The following STX1B variants were observed in gnomAD, a reference collection of about 807,000 sequenced individuals.
STX1B encodes the protein syntaxin 1B.
STX1B carries 7 observed loss-of-function variants against 39.4 expected under a neutral mutation model. The ratio of observed to expected loss-of-function variants is 0.18; its 90% CI spans 0.10 to 0.33. The LOEUF (loss-of-function observed/expected upper bound fraction) is 0.33, where lower values mean the gene tolerates loss of function less well. Among genes scored for constraint, STX1B ranks in the 10% least tolerant of loss-of-function variants. The pLI is 1.00. For missense variants in STX1B, 198 were observed against 383.2 expected (o/e 0.52, Z 4.04); for synonymous variants, 136 against 144.1 (o/e 0.94, Z 0.40).
chr16:30,990,529 GCACA>G lies in STX1B; in HGVS notation c.*2288_*2291del, dbSNP rs1464620917. ...CTGTTTGGCCACATGCACACACAATGCACACACAATGTACACACACATACAATGC... is the reference window on the plus strand; with the variant it reads ...CTGTTTGGCCACATGCACACACAATGCACAATGTACACACACATACAATGC... On this transcript the variant is annotated 3_prime_UTR_variant, in exon 10 of 10. Transcript: ENST00000215095. 1 of 152,358 alleles carries G rather than the reference GCACA, an allele frequency of 6.6e-6. No individual in the cohort carries two copies. The highest frequency in any genetic ancestry group is 1.9e-4 in the East Asian group (1 of 5,196). The allele number at this position is 152,358 out of a possible 1,614,324, so 9.4% of individuals were successfully genotyped here. A position where few individuals can be genotyped will look rare whatever the true frequency, so the allele number is the denominator to read the frequency against.
At chr16:31,000,142 C>T (rs961011449) in intron 4 of STX1B, among the ~76,000 whole-genome samples, 4 of 150,756 alleles carry the variant, frequency 2.7e-5, no homozygotes, top group Non-Finnish European at 5.9e-5. Flanking sequence ...GGATTACAGG[C>T]GCCTGCCACC....
intron 1 of STX1B, among the ~76,000 whole-genome samples, chr16:31,007,184 C>T (rs1046559994): frequency 3.3e-5 from 5 of 152,092 alleles, no homozygotes; most frequent in African/African-American, 1.2e-4. Flanking sequence ...ACCCAGGGTT[C>T]GTTGGTCTCT....
rs1304183846 is a variant in STX1B at position 31,001,179 on chromosome 16, C to G, written c.120G>C (p.Arg40=). The part of the protein sequence containing the change: ...DEFFEQVEEI[R]GCIEKLSEDV... ...CCTCCGACAGTTTCTCAATGCAGCC[C>G]CGGATCTCTTCCACCTGGAGCAGAA... is the stretch of plus-strand genomic sequence containing the variant. The change falls in exon 3 of 10, where the codon CGG becomes CGC. Residue 40 remains arginine, a synonymous_variant. Coordinates refer to ENST00000215095, the MANE Select transcript of STX1B (RefSeq NM_052874.5). The surrounding 1 kb of genome is among the most constrained non-coding windows in gnomAD (Gnocchi z 5.5). 35 of 1,613,718 alleles carry G rather than the reference C, an allele frequency of 2.2e-5. No individual in the cohort carries two copies. The highest frequency in any genetic ancestry group is 3.0e-5 in the Non-Finnish European group (35 of 1,180,038).
At position 31,000,942 on chromosome 16, in the gene STX1B, C is replaced by T; in HGVS notation, c.266G>A (p.Arg89Gln). 2 of 1,614,148 alleles carry T rather than the reference C, an allele frequency of 1.2e-6. No homozygotes were observed. Among genetic ancestry groups the T allele is most frequent in the African/African-American group, 1.3e-5 (1 of 75,034 alleles). Reference protein sequence around the residue: ...ADIKKTANKVRSKLKAIEQSI... With the variant: ...ADIKKTANKVQSKLKAIEQSI... ...GTACTCCTCACCTTTCAATTTGGAC[C>T]GAACCTTGTTGGCCGTCTTCTTGAT... Residue 89 changes from arginine (R) to glutamine (Q), a missense_variant, in exon 4 of 10, where the codon CGG becomes CAG. Physicochemically the swap from Arg to Gln is conservative, Grantham distance 43. Coordinates refer to ENST00000215095, the MANE Select transcript of STX1B (RefSeq NM_052874.5).
At chr16:31,003,217 G>C (rs924006479) in intron 1 of STX1B, among the ~76,000 whole-genome samples, 1 of 152,182 alleles carries the variant, frequency 6.6e-6, no homozygotes, top group African/African-American at 2.4e-5. Context: ...GGCCCACACT[G>C]TGTCGGAAAA....
At chr16:31,006,407 C>T (rs569906084) in intron 1 of STX1B, among the ~76,000 whole-genome samples, 1 of 152,270 alleles carries the variant, frequency 6.6e-6, no homozygotes, top group South Asian at 2.1e-4. Context: ...ATTCATCTAA[C>T]GGATGTGTCT....
intron 1 of STX1B, among the ~76,000 whole-genome samples, chr16:31,006,854 C>T (rs1320253234): frequency 6.6e-6 from 1 of 152,150 alleles, no homozygotes; most frequent in Non-Finnish European, 1.5e-5. Context: ...GTGGCTCATG[C>T]CTGGAATACC....
intron 1 of STX1B, among the ~76,000 whole-genome samples, chr16:31,006,293 T>C (rs2056654834): frequency 6.6e-6 from 1 of 151,758 alleles, no homozygotes. Context: ...CCTTGCTCCC[T>C]CCCCCTGAGC....
At chr16:31,010,161 A>G (rs984597716) in intron 1 of STX1B, among the ~76,000 whole-genome samples, 18 of 151,708 alleles carry the variant, frequency 1.2e-4, no homozygotes, top group African/African-American at 4.4e-4. Flanking sequence ...TTGTGTCTTC[A>G]TGGCCTCCAA....
Position 30,992,591 on chromosome 16 carries a change from C to A in STX1B, c.*230G>T. 1 of 487,252 alleles carries A rather than the reference C, an allele frequency of 2.1e-6. No homozygotes were observed. Among genetic ancestry groups the A allele is most frequent in the East Asian group, 3.3e-5 (1 of 30,514 alleles). 30.2% of individuals were successfully genotyped at this position (487,252 alleles called of 1,614,324 possible). On this transcript the variant is annotated 3_prime_UTR_variant, in exon 10 of 10. Coordinates refer to ENST00000215095, the MANE Select transcript of STX1B (RefSeq NM_052874.5). ...GTCTCGAGCATGTGCCGGCGGCATG[C>A]ATGTTGGTGTGCATGTGTAATCACG...
In STX1B at chr16:30,992,641, C is replaced by CG. The variant is rs56353515; in HGVS notation, c.*179dup. On this transcript the variant is annotated 3_prime_UTR_variant, in exon 10 of 10. Transcript: ENST00000215095. Reference sequence around the variant, plus strand: ...GCCTGCTGCGATCTACGTGCGGGGACGGGGGGGGGGTCCATGGCCCGGTGA... The same window carrying CG: ...GCCTGCTGCGATCTACGTGCGGGGACGGGGGGGGGGGTCCATGGCCCGGTGA... 0.039 allele frequency: 15,805 copies of CG among 402,682 alleles called. 249 individuals carry two copies. Among genetic ancestry groups the CG allele is most frequent in the African/African-American group, 0.16 (4,840 of 30,316 alleles). 24.9% of individuals were successfully genotyped at this position (402,682 alleles called of 1,614,324 possible). A position where few individuals can be genotyped will look rare whatever the true frequency, so the allele number is the denominator to read the frequency against.
At chr16:30,995,563 C>T (rs2143666311) in intron 7 of STX1B, among the ~76,000 whole-genome samples, 1 of 151,782 alleles carries the variant, frequency 6.6e-6, no homozygotes, top group Non-Finnish European at 1.5e-5. Context: ...AAGATCTCGG[C>T]TCACTGCAAC....
intron 7 of STX1B, among the ~76,000 whole-genome samples, chr16:30,994,322 G>A (rs1010903238): frequency 6.7e-6 from 1 of 149,262 alleles, no homozygotes; most frequent in Non-Finnish European, 1.5e-5. Context: ...GTAGGGAGAG[G>A]CCTGTAACCC....
intron 1 of STX1B, among the ~76,000 whole-genome samples, chr16:31,007,978 C>G (rs995518135): frequency 7.2e-5 from 11 of 152,222 alleles, no homozygotes; most frequent in Non-Finnish European, 1.3e-4. Flanking sequence ...CCCAGACAGT[C>G]TGGCTCCCGA....
At chr16:30,992,947 G>A (rs773882641) in intron 9 of STX1B, 46 bp from the exon 10 acceptor site, 5 of 1,513,576 alleles carry the variant, frequency 3.3e-6, no homozygotes, top group East Asian at 2.3e-5. Flanking sequence ...GAGAGAGATC[G>A]ACACACGGAC....
chr16:30,996,925 G>C (rs1567378040), intron 6 of STX1B, 26 bp downstream of exon 6: 1 of 1,599,498 alleles, frequency 6.3e-7, no homozygotes, highest in Non-Finnish European at 8.5e-7. Context: ...AGGAGTTCGG[G>C]GTCCTGGGGT....
At chr16:30,994,304 AAG>A (rs2056580056) in intron 7 of STX1B, among the ~76,000 whole-genome samples, 1 of 151,226 alleles carries the variant, frequency 6.6e-6, no homozygotes, top group Admixed American at 6.6e-5. Flanking sequence ...AAAAAAAAAA[AAG>A]AGTCAGTAGG....
intron 7 of STX1B, among the ~76,000 whole-genome samples, chr16:30,996,019 A>G (rs1306822198): frequency 6.6e-6 from 1 of 151,824 alleles, no homozygotes; most frequent in Non-Finnish European, 1.5e-5. Context: ...TCTCTACAAA[A>G]AAAGGTTTTT....
At chr16:30,997,084 C>CGGATCAGGGAGGTAGTCAG (rs1567378141) in intron 5 of STX1B, 25 bp from the exon 6 acceptor site, 2 of 1,529,808 alleles carry the variant, frequency 1.3e-6, no homozygotes, top group East Asian at 2.2e-5. Context: ...GGGGGACAGA[C>CGGATCAGGGAGGTAGTCAG]GGATCAGGGA....
Sources: gnomAD v4.1 joint callset for allele counts (sites outside exome capture counted in the v4.1 genomes callset) on GRCh38, gnomAD v4.1.1 for gene constraint, Gnocchi (gnomAD v3.1) non-coding constraint, MANE v1.5 for transcripts, NCBI Gene and HGNC (gene_info 2026-07-23, HGNC 2026-07-21) for gene names.